CALN1: variants seen among roughly 807,000 people sequenced by gnomAD.
CALN1 encodes the protein calneuron 1.
A neutral mutation model predicts 30.6 loss-of-function variants in CALN1; 17 were observed. The observed-to-expected ratio is 0.56, with a 90% CI of 0.38 to 0.83. The LOEUF (loss-of-function observed/expected upper bound fraction) is 0.83, where lower values mean the gene tolerates loss of function less well. CALN1 is among the 40% of genes least tolerant of loss of function. The pLI is 0.00. For synonymous variants in CALN1, 156 were observed against 131.4 expected (o/e 1.19, Z -1.28); for missense variants, 291 against 354.9 (o/e 0.82, Z 1.45).
chr7:72,393,127 C>T (rs150658578), intron 2 of CALN1, among the ~76,000 whole-genome samples: 3 of 152,224 alleles, frequency 2.0e-5, no homozygotes, highest in African/African-American at 4.8e-5. Flanking sequence ...AAAGCAGCCC[C>T]GCCACAAGCA....
intron 2 of CALN1, among the ~76,000 whole-genome samples, chr7:72,322,021 G>C (rs1480191783): frequency 6.6e-6 from 1 of 152,178 alleles, no homozygotes; most frequent in Non-Finnish European, 1.5e-5. Context: ...AGGATGGTTT[G>C]GGGATGATTC....
chr7:71,899,008 T>C (rs953683610), intron 5 of CALN1, among the ~76,000 whole-genome samples: 20 of 152,156 alleles, frequency 1.3e-4, no homozygotes, highest in African/African-American at 4.6e-4. Context: ...TAAGGTTCAA[T>C]AGGGTGAATA....
the CALN1 span, among the ~76,000 whole-genome samples, chr7:72,471,670 G>A: frequency 1.3e-5 from 2 of 152,234 alleles, no homozygotes; most frequent in African/African-American, 2.4e-5. Context: ...GCTTATTCCT[G>A]AGCTTTATTT....
chr7:72,155,215 T>C (rs890911572), intron 3 of CALN1, among the ~76,000 whole-genome samples: 4 of 152,112 alleles, frequency 2.6e-5, no homozygotes, highest in Non-Finnish European at 5.9e-5. Flanking sequence ...CAGAAACCAA[T>C]CTTGCCAACA....
chr7:72,299,729 C>G (rs1265037135), intron 2 of CALN1, among the ~76,000 whole-genome samples: 2 of 138,272 alleles, frequency 1.4e-5, no homozygotes, highest in East Asian at 2.2e-4. Context: ...AGACTGAGGT[C>G]CTGCTGTGTT....
chr7:72,499,703 T>C, the CALN1 span, among the ~76,000 whole-genome samples: 225 of 152,208 alleles, frequency 1.5e-3, no homozygotes, highest in African/African-American at 5.1e-3. Context: ...AAAGAATCTA[T>C]AAAAAATTAT....
chr7:71,786,168 C>CAGGG lies in CALN1; in HGVS notation c.*1603_*1606dup, dbSNP rs140410970. The CAGGG allele has an allele frequency of 8.3e-4, 126 of 152,382 alleles. No homozygotes were observed. Among genetic ancestry groups the CAGGG allele is most frequent in the African/African-American group, 2.9e-3 (121 of 41,534 alleles). 9.4% of individuals were successfully genotyped at this position (152,382 alleles called of 1,614,324 possible). A position where few individuals can be genotyped will look rare whatever the true frequency, so the allele number is the denominator to read the frequency against. On this transcript the variant is annotated 3_prime_UTR_variant, in exon 7 of 7. Coordinates refer to ENST00000395275, the MANE Select transcript of CALN1 (RefSeq NM_031468.4). Reference sequence around the variant, plus strand: ...GTAGGGAGAAAGCTGAGCAGGAAGACAGGGAGGGAGATCAGGAACACACAA... The same window carrying CAGGG: ...GTAGGGAGAAAGCTGAGCAGGAAGACAGGGAGGGAGGGAGATCAGGAACACACAA...
intron 4 of CALN1, among the ~76,000 whole-genome samples, chr7:72,043,658 C>G (rs1160090166): frequency 2.1e-4 from 32 of 152,114 alleles, no homozygotes; most frequent in Admixed American, 2.0e-3. Context: ...TTGGTCCCAG[C>G]CACTCTGGAG....
intron 5 of CALN1, among the ~76,000 whole-genome samples, chr7:71,952,000 A>T (rs1796716657): frequency 6.6e-6 from 1 of 151,978 alleles, no homozygotes; most frequent in Non-Finnish European, 1.5e-5. Flanking sequence ...CCAAACCAAC[A>T]GATGCGGCTG....
intron 3 of CALN1, among the ~76,000 whole-genome samples, chr7:72,248,959 C>A (rs886268729): frequency 6.6e-6 from 1 of 151,962 alleles, no homozygotes; most frequent in Admixed American, 6.6e-5. Flanking sequence ...AAGAGAAAGG[C>A]TTAAAAGAAG....
At chr7:72,187,090 G>C (rs757740975) in intron 3 of CALN1, among the ~76,000 whole-genome samples, 2 of 151,932 alleles carry the variant, frequency 1.3e-5, no homozygotes, top group Non-Finnish European at 2.9e-5. Flanking sequence ...GATTGCTTTA[G>C]CCAGTTAAAA....
chr7:72,148,982 G>GGA (rs1787002119), intron 3 of CALN1, among the ~76,000 whole-genome samples: 3 of 143,144 alleles, frequency 2.1e-5, no homozygotes, highest in Admixed American at 6.9e-5. Context: ...GGGAGGGAGG[G>GGA]AGGAAGGAAG....
intron 3 of CALN1, among the ~76,000 whole-genome samples, chr7:72,215,727 C>CTG (rs1329606024): frequency 3.3e-5 from 5 of 152,132 alleles, no homozygotes; most frequent in Non-Finnish European, 7.4e-5. Flanking sequence ...CGTACAGCAG[C>CTG]TGTGGATGGA....
intron 3 of CALN1, among the ~76,000 whole-genome samples, chr7:72,157,887 GCA>G (rs1393684201): frequency 5.3e-5 from 8 of 152,124 alleles, no homozygotes; most frequent in Non-Finnish European, 8.8e-5. Flanking sequence ...GGGATTACAG[GCA>G]CCCGCCACCA....
intron 5 of CALN1, among the ~76,000 whole-genome samples, chr7:71,950,321 G>A (rs1796625671): frequency 6.6e-6 from 1 of 152,130 alleles, no homozygotes; most frequent in African/African-American, 2.4e-5. Flanking sequence ...CTGAGGCAGA[G>A]GGACTCATTC....
intron 5 of CALN1, among the ~76,000 whole-genome samples, chr7:71,826,643 G>A (rs189054950): frequency 5.3e-5 from 8 of 152,270 alleles, no homozygotes; most frequent in East Asian, 1.9e-4. Flanking sequence ...GGACCTTGAC[G>A]TGGCCTTGCT....
intron 5 of CALN1, among the ~76,000 whole-genome samples, chr7:71,823,546 C>T (rs965734430): frequency 2.0e-5 from 3 of 151,900 alleles, no homozygotes; most frequent in Admixed American, 6.6e-5. Flanking sequence ...GGTGAAACCC[C>T]GTCTCTACTA....
intron 2 of CALN1, among the ~76,000 whole-genome samples, chr7:72,332,502 C>T (rs937639399): frequency 6.6e-6 from 1 of 151,770 alleles, no homozygotes; most frequent in Non-Finnish European, 1.5e-5. Context: ...GCTACTTGGA[C>T]CAAATTGAGC....
At chr7:72,398,264 G>C (rs557071520) in intron 2 of CALN1, among the ~76,000 whole-genome samples, 2 of 152,312 alleles carry the variant, frequency 1.3e-5, no homozygotes, top group Admixed American at 1.3e-4. Flanking sequence ...TACAGGTCTT[G>C]TTTATGTGTA....
Sources: allele counts gnomAD v4.1 joint callset (sites outside exome capture counted in the v4.1 genomes callset), GRCh38; gene constraint gnomAD v4.1.1; transcripts MANE v1.5; gene names NCBI Gene and HGNC (gene_info 2026-07-23, HGNC 2026-07-21).